LSAMP: variants seen among roughly 807,000 people sequenced by gnomAD.
LSAMP encodes the protein limbic system associated membrane protein.
In LSAMP, 7 loss-of-function variants were observed where a neutral mutation model predicts 38.6. The observed-to-expected ratio is 0.18, with a 90% CI of 0.10 to 0.34. The LOEUF (loss-of-function observed/expected upper bound fraction) is 0.34. Among genes scored for constraint, LSAMP ranks in the 10% least tolerant of loss-of-function variants. LSAMP has a pLI of 1.00. For synonymous variants in LSAMP, 154 were observed against 166.8 expected, an observed-to-expected ratio of 0.92 and a Z score of 0.59; for missense variants, 313 against 420.0, an observed-to-expected ratio of 0.75 and a Z score of 2.23.
intron 3 of LSAMP, among the ~76,000 whole-genome samples, chr3:115,867,564 T>G (rs554808698): frequency 1.3e-5 from 2 of 151,888 alleles, no homozygotes; most frequent in African/African-American, 4.8e-5. Flanking sequence ...CAGAAAAACA[T>G]GAGGGAGAAG....
chr3:116,291,152 CT>C (rs1408057142), intron 1 of LSAMP, among the ~76,000 whole-genome samples: 9 of 152,156 alleles, frequency 5.9e-5, no homozygotes, highest in Admixed American at 2.0e-4. Context: ...CTACTTACTC[CT>C]TTGAATATAT....
intron 3 of LSAMP, among the ~76,000 whole-genome samples, chr3:115,883,280 G>T (rs1425713157): frequency 6.6e-6 from 1 of 151,994 alleles, no homozygotes; most frequent in East Asian, 1.9e-4. Flanking sequence ...GACTAAAAGG[G>T]ATAGGAAGTG....
At chr3:116,279,743 T>C (rs1485765996) in intron 1 of LSAMP, among the ~76,000 whole-genome samples, 1 of 152,176 alleles carries the variant, frequency 6.6e-6, no homozygotes, top group Non-Finnish European at 1.5e-5. Flanking sequence ...TGAAAATCTG[T>C]TTTCATATAC....
intron 3 of LSAMP, among the ~76,000 whole-genome samples, chr3:115,919,533 T>G (rs747743496): frequency 6.6e-6 from 1 of 152,114 alleles, no homozygotes; most frequent in Non-Finnish European, 1.5e-5. Context: ...TGAGTGTGAA[T>G]GGGGGTCTGG....
At chr3:116,077,843 G>T (rs1480979251) in intron 2 of LSAMP, among the ~76,000 whole-genome samples, 2 of 152,170 alleles carry the variant, frequency 1.3e-5, no homozygotes, top group African/African-American at 4.8e-5. Context: ...CATTTATGAA[G>T]ATTAGAGGCC....
intron 1 of LSAMP, among the ~76,000 whole-genome samples, chr3:116,151,628 G>A (rs756522018): frequency 6.6e-6 from 1 of 151,984 alleles, no homozygotes; most frequent in Non-Finnish European, 1.5e-5. Flanking sequence ...GGGTGGAGGA[G>A]AGCCAGGGAA....
At chr3:116,194,783 T>C (rs1265656198) in intron 1 of LSAMP, among the ~76,000 whole-genome samples, 1 of 152,204 alleles carries the variant, frequency 6.6e-6, no homozygotes, top group Non-Finnish European at 1.5e-5. Flanking sequence ...GATTGAGGTT[T>C]GGTATGATAC....
At chr3:116,143,748 A>G (rs1475987275) in intron 1 of LSAMP, among the ~76,000 whole-genome samples, 1 of 151,742 alleles carries the variant, frequency 6.6e-6, no homozygotes, top group Non-Finnish European at 1.5e-5. Flanking sequence ...GAATTTGTTT[A>G]TCTTCTCTAT....
At chr3:115,867,026 G>A (rs1042417277) in intron 3 of LSAMP, among the ~76,000 whole-genome samples, 2 of 151,898 alleles carry the variant, frequency 1.3e-5, no homozygotes, top group African/African-American at 4.8e-5. Flanking sequence ...GGGGAAGAGG[G>A]GGGTCATAAA....
intron 6 of LSAMP, among the ~76,000 whole-genome samples, chr3:115,820,534 T>A (rs931589989): frequency 5.3e-5 from 8 of 152,148 alleles, no homozygotes; most frequent in Admixed American, 2.6e-4. Context: ...CTCGAGACAT[T>A]TATTTAAGCT....
chr3:116,027,714 A>C (rs10439991), intron 2 of LSAMP, among the ~76,000 whole-genome samples: 35,617 of 152,026 alleles, frequency 0.23, 4,308 homozygotes, highest in Admixed American at 0.27. Flanking sequence ...AGATCTACAA[A>C]GCCATTTAAT....
At chr3:115,848,918 A>C (rs1230098144) in intron 4 of LSAMP, among the ~76,000 whole-genome samples, 1 of 152,222 alleles carries the variant, frequency 6.6e-6, no homozygotes, top group Non-Finnish European at 1.5e-5. Context: ...TAAAATTAAC[A>C]GTTTGTATTT....
At chr3:115,881,985 TTC>T (rs1237851488) in intron 3 of LSAMP, among the ~76,000 whole-genome samples, 1 of 152,090 alleles carries the variant, frequency 6.6e-6, no homozygotes, top group Non-Finnish European at 1.5e-5. Flanking sequence ...TGGTTACAAT[TTC>T]CCTGCTCCCA....
At chr3:116,377,833 A>G (rs1291880547) in intron 1 of LSAMP, among the ~76,000 whole-genome samples, 2 of 152,004 alleles carry the variant, frequency 1.3e-5, no homozygotes, top group Non-Finnish European at 2.9e-5. Flanking sequence ...GAAAAACATC[A>G]TTGTTTCTTT....
intron 1 of LSAMP, among the ~76,000 whole-genome samples, chr3:116,159,973 A>G (rs4261878): frequency 0.18 from 27,088 of 152,168 alleles, 2,533 homozygotes; most frequent in Admixed American, 0.22. Context: ...TAACTCACAC[A>G]GGACAGAAAA....
At chr3:116,020,160 A>G (rs955268173) in intron 2 of LSAMP, among the ~76,000 whole-genome samples, 1 of 152,170 alleles carries the variant, frequency 6.6e-6, no homozygotes, top group Non-Finnish European at 1.5e-5. Context: ...ATTAATCACC[A>G]CAATAGAAAG....
At chr3:116,076,919 T>C (rs1026856543) in intron 2 of LSAMP, among the ~76,000 whole-genome samples, 2 of 152,062 alleles carry the variant, frequency 1.3e-5, no homozygotes, top group African/African-American at 2.4e-5. Flanking sequence ...TGAATGACCA[T>C]TTTTAGTATA....
chr3:115,982,730 T>C (rs912019753), intron 3 of LSAMP, among the ~76,000 whole-genome samples: 2 of 152,094 alleles, frequency 1.3e-5, no homozygotes, highest in Non-Finnish European at 2.9e-5. Flanking sequence ...GCTGATTGTA[T>C]TTCTCCTCTT....
intron 1 of LSAMP, among the ~76,000 whole-genome samples, chr3:116,222,119 G>A (rs921627003): frequency 1.3e-5 from 2 of 151,856 alleles, no homozygotes; most frequent in Non-Finnish European, 2.9e-5. Flanking sequence ...CTACTGATCC[G>A]GGTTCTAATC....
Sources: allele counts gnomAD v4.1 joint callset (sites outside exome capture counted in the v4.1 genomes callset), GRCh38; gene constraint gnomAD v4.1.1; transcripts MANE v1.5; gene names NCBI Gene and HGNC (gene_info 2026-07-23, HGNC 2026-07-21).